SACS: variants seen among roughly 807,000 people sequenced by gnomAD.
The protein encoded by SACS is sacsin.
Under a neutral mutation model 348.0 loss-of-function variants are expected in SACS, and 197 were observed. That is an observed-to-expected ratio of 0.57 (90% CI 0.50 to 0.64). The LOEUF is 0.64. SACS is among the 30% of genes least tolerant of loss of function. The pLI is 0.00. For synonymous variants in SACS, 1,985 were observed against 1,910.6 expected (o/e 1.04, Z -1.02); for missense variants, 4,999 against 5,360.8 (o/e 0.93, Z 2.11).
At chr13:23,414,447 G>A (rs1026274388) in intron 1 of SACS, among the ~76,000 whole-genome samples, 1 of 152,182 alleles carries the variant, frequency 6.6e-6, no homozygotes, top group African/African-American at 2.4e-5. Context: ...ACTAGTGCTC[G>A]GCCTCTGTAG....
chr13:23,363,232 T>C (rs916175781), intron 6 of SACS, among the ~76,000 whole-genome samples: 19 of 149,730 alleles, frequency 1.3e-4, no homozygotes, highest in African/African-American at 4.7e-4. Context: ...TACTTACTTA[T>C]ATATTTATTT....
intron 1 of SACS, among the ~76,000 whole-genome samples, chr13:23,412,151 T>C (rs980716080): frequency 5.3e-5 from 8 of 151,976 alleles, no homozygotes; most frequent in South Asian, 4.2e-4. Context: ...CCCAGCTACT[T>C]GGGAGGCTGA....
chr13:23,362,126 A>G (rs1353588243), intron 6 of SACS, among the ~76,000 whole-genome samples: 2 of 152,230 alleles, frequency 1.3e-5, no homozygotes, highest in Non-Finnish European at 2.9e-5. Context: ...TACATGTTTT[A>G]TGACTGAAAT....
intron 6 of SACS, among the ~76,000 whole-genome samples, chr13:23,361,189 CT>C (rs1249195475): frequency 6.6e-6 from 1 of 152,224 alleles, no homozygotes; most frequent in Non-Finnish European, 1.5e-5. Context: ...TCCTTACACC[CT>C]GGCTGCTCAG....
chr13:23,340,910 G>C lies in SACS; in HGVS notation c.2966C>G (p.Thr989Ser). Residue 989 changes from threonine (T) to serine (S), a missense_variant, in exon 10 of 10, where the codon ACT becomes AGT. By Grantham distance (58) the Thr-to-Ser change is moderately conservative. Coordinates refer to ENST00000382292, the MANE Select transcript of SACS (RefSeq NM_014363.6). ...NMLKIEQLKT[T>S]SCLKLVLKDI... ...TTTTAAAACAAGCTTTAAGCAGCTA[G>C]TGGTCTTTAACTGTTCTATTTTCAA... 1 of 1,613,546 alleles carries C rather than the reference G, an allele frequency of 6.2e-7. No individual in the cohort carries two copies. Among genetic ancestry groups the C allele is most frequent in the Non-Finnish European group, 8.5e-7 (1 of 1,179,468 alleles).
chr13:23,415,927 T>C (rs1873673917), intron 1 of SACS, among the ~76,000 whole-genome samples: 1 of 152,178 alleles, frequency 6.6e-6, no homozygotes, highest in Admixed American at 6.5e-5. Flanking sequence ...TATCCTTTAA[T>C]GATTTCATCC....
intron 4 of SACS, 28 bp from the exon 5 acceptor site, chr13:23,368,515 G>C: frequency 6.5e-7 from 1 of 1,543,156 alleles, no homozygotes; most frequent in Admixed American, 1.7e-5. Context: ...TTTTAAGTGA[G>C]TTAGAAAAAA....
Position 23,336,060 on chromosome 13 carries a change from T to G in SACS, c.7816A>C (p.Asn2606His). ...FTEDDVRGIQ[N>H]LGKGTKEGNP... The stretch of plus-strand genomic sequence containing the variant: ...CCCTCTTTCGTGCCTTTTCCAAGAT[T>G]CTGAATTCCTCTAACATCATCTTCT... Residue 2606 changes from asparagine to histidine, a missense_variant, in exon 10 of 10, where the codon AAT (asparagine) becomes CAT (histidine). This residue lies in a region of SACS where 3,156 missense variants were observed against 3,380.1 expected (regional missense o/e 0.93). Transcript: ENST00000382292. 1 of 1,612,186 alleles carries G rather than the reference T, an allele frequency of 6.2e-7. No individual in the cohort carries two copies. The highest frequency in any genetic ancestry group is 8.5e-7 in the Non-Finnish European group (1 of 1,178,456).
intron 2 of SACS, among the ~76,000 whole-genome samples, chr13:23,379,961 C>T (rs1409475863): frequency 2.0e-5 from 3 of 151,986 alleles, no homozygotes; most frequent in African/African-American, 7.3e-5. Flanking sequence ...CTTTTCTTCC[C>T]TCATTGTTTT....
intron 6 of SACS, 53 bp downstream of exon 6, chr13:23,365,113 A>C: frequency 1.7e-6 from 2 of 1,156,790 alleles, no homozygotes; most frequent in Non-Finnish European, 1.3e-6. Flanking sequence ...TAATCATTAA[A>C]AACTGCCTGT....
At chr13:23,347,073 C>G (rs1869653693) in intron 9 of SACS, among the ~76,000 whole-genome samples, 1 of 152,062 alleles carries the variant, frequency 6.6e-6, no homozygotes. Flanking sequence ...AGTGTTGGTT[C>G]AGAAAGAAAG....
intron 6 of SACS, among the ~76,000 whole-genome samples, chr13:23,360,441 G>A (rs1252098103): frequency 6.7e-6 from 1 of 148,806 alleles, no homozygotes; most frequent in Non-Finnish European, 1.5e-5. Context: ...CACCAGGCTC[G>A]AGAATGAACC....
chr13:23,393,791 C>G (rs959190932), intron 2 of SACS, among the ~76,000 whole-genome samples: 2 of 151,760 alleles, frequency 1.3e-5, no homozygotes, highest in Non-Finnish European at 1.5e-5. Context: ...GACGGAGTCT[C>G]GCACTGTCAC....
intron 1 of SACS, among the ~76,000 whole-genome samples, chr13:23,413,007 C>T (rs576597812): frequency 7.9e-5 from 12 of 152,056 alleles, no homozygotes; most frequent in Non-Finnish European, 1.3e-4. Context: ...GAAGGAGTTT[C>T]GCTCTTTTTG....
intron 2 of SACS, among the ~76,000 whole-genome samples, chr13:23,388,257 C>T (rs562432034): frequency 4.0e-5 from 6 of 149,914 alleles, no homozygotes; most frequent in Middle Eastern, 3.4e-3. Context: ...TGTCGTGAAC[C>T]GGGCAGGCGG....
Position 23,333,434 on chromosome 13 carries a change from A to G in SACS, c.10442T>C (p.Leu3481Pro). The G allele has an allele frequency of 1.2e-6, 2 of 1,611,406 alleles. No individual in the cohort carries two copies. Among genetic ancestry groups the G allele is most frequent in the Non-Finnish European group, 1.7e-6 (2 of 1,178,814 alleles). Residue 3481 changes from leucine (L) to proline (P), a missense_variant, in exon 10 of 10, where the codon CTC becomes CCC. Transcript: ENST00000382292. ...VDDLEVYLKHLLPKIENLSYD... is the reference protein window; with the variant it reads ...VDDLEVYLKHPLPKIENLSYD... ...AGAGAGATTTTCAATTTTTGGTAAG[A>G]GGTGTTTCAAATATACCTCAAGATC...
At chr13:23,372,744 T>TA (rs2137824419) in intron 3 of SACS, among the ~76,000 whole-genome samples, 1 of 152,322 alleles carries the variant, frequency 6.6e-6, no homozygotes, top group Admixed American at 6.5e-5. Context: ...CTCTGATGAT[T>TA]ACGTCTTTAT....
At chr13:23,408,207 C>G (rs1435202686) in intron 2 of SACS, among the ~76,000 whole-genome samples, 1 of 151,974 alleles carries the variant, frequency 6.6e-6, no homozygotes, top group Non-Finnish European at 1.5e-5. Flanking sequence ...CTAGACATTT[C>G]CACTCGTCTG....
At chr13:23,376,389 A>C (rs978548949) in intron 2 of SACS, among the ~76,000 whole-genome samples, 29 of 149,684 alleles carry the variant, frequency 1.9e-4, no homozygotes, top group African/African-American at 6.8e-4. Context: ...ACACATTGCA[A>C]AAAAAAAAAG....
Sources: allele counts gnomAD v4.1 joint callset (sites outside exome capture counted in the v4.1 genomes callset), GRCh38; gene constraint gnomAD v4.1.1; regional missense constraint gnomAD v4.1.1; transcripts MANE v1.5; gene names NCBI Gene and HGNC (gene_info 2026-07-23, HGNC 2026-07-21).